MTSS1: variants seen among roughly 807,000 people sequenced by gnomAD.
MTSS1 encodes the protein protein MTSS 1.
MTSS1 carries 18 observed loss-of-function variants against 79.0 expected under a neutral mutation model. The ratio of observed to expected loss-of-function variants is 0.23; its 90% CI spans 0.16 to 0.34. The LOEUF (loss-of-function observed/expected upper bound fraction) is 0.34. MTSS1 is among the 10% of genes least tolerant of loss of function. The probability of loss-of-function intolerance (pLI) is 1.00; values close to 1 mark genes in which losing one functional copy is unlikely to be tolerated. For synonymous variants in MTSS1, 341 were observed against 368.6 expected (o/e 0.93, Z 0.86); for missense variants, 815 against 986.2 (o/e 0.83, Z 2.33).
Position 124,698,572 on chromosome 8 carries a change from C to T in MTSS1, c.208+954G>A, listed in dbSNP as rs532569560. Among the ~76,000 whole-genome samples, 11 of 144,148 alleles carry T rather than the reference C, an allele frequency of 7.6e-5. No homozygotes were observed. The South Asian group carries it at 2.4e-3, about 31-fold the overall frequency. 94.6% of individuals were successfully genotyped at this position (144,148 alleles called of 152,430 possible). On this transcript the variant is annotated intron_variant, in intron 3 of 13. Transcript: ENST00000518547. The stretch of plus-strand genomic sequence containing the variant: ...CGTTGCCCAGGCTGGAGTGCAGTGG[C>T]GCGATCTGGGCTCACTGCAACCTCT...
chr8:124,604,074 G>A (rs543058050), intron 3 of MTSS1, among the ~76,000 whole-genome samples: 1 of 152,228 alleles, frequency 6.6e-6, no homozygotes, highest in South Asian at 2.1e-4. Flanking sequence ...TTAGCTGGGC[G>A]TGGAGGCAGG....
At chr8:124,632,829 A>G (rs1816256591) in intron 3 of MTSS1, among the ~76,000 whole-genome samples, 1 of 152,144 alleles carries the variant, frequency 6.6e-6, no homozygotes, top group African/African-American at 2.4e-5. Context: ...TACCGCATCC[A>G]GCTAATTTTT....
chr8:124,556,190 G>T lies in MTSS1; in HGVS notation c.1404+42C>A, dbSNP rs117595835. The stretch of plus-strand genomic sequence containing the variant: ...TGGCCAGAATGTGATCCCCAGCCAG[G>T]CTGAGGTGGCCCCAACCAGCTACTG... On this transcript the variant is annotated intron_variant, in intron 12 of 13. Coordinates refer to ENST00000518547, the MANE Select transcript of MTSS1 (RefSeq NM_014751.6). The T allele has an allele frequency of 1.3e-5, 21 of 1,613,580 alleles. No homozygotes were observed. The East Asian group carries it at 4.7e-4, about 36-fold the overall frequency.
At chr8:124,663,926 G>A (rs1413480481) in intron 3 of MTSS1, among the ~76,000 whole-genome samples, 3 of 152,200 alleles carry the variant, frequency 2.0e-5, no homozygotes, top group Non-Finnish European at 4.4e-5. Context: ...GGCTCCTCAG[G>A]AGATGACACC....
At chr8:124,566,726 G>A (rs1826576317) in intron 8 of MTSS1, among the ~76,000 whole-genome samples, 1 of 152,200 alleles carries the variant, frequency 6.6e-6, no homozygotes, top group Non-Finnish European at 1.5e-5. Flanking sequence ...CATGGGATCT[G>A]GAACCTGACC....
intron 1 of MTSS1, among the ~76,000 whole-genome samples, chr8:124,709,975 T>C (rs1056523396): frequency 6.6e-6 from 1 of 152,266 alleles, no homozygotes; most frequent in Non-Finnish European, 1.5e-5. Context: ...TTGCTGTCTA[T>C]AAGCCTGAGG....
Position 124,591,140 on chromosome 8 carries a change from ATGCTCCTCACCTCGAAAACTGCCTCAG to A in MTSS1, c.277_293+10del, listed in dbSNP as rs777464958. The A allele has an allele frequency of 6.2e-7, 1 of 1,613,688 alleles. No homozygotes were observed. Among genetic ancestry groups the A allele is most frequent in the South Asian group, 1.1e-5 (1 of 91,070 alleles). ...GGGTGTTGGCGATCGGGGCCAAAAC[ATGCTCCTCACCTCGAAAACTGCCTCAG>A]CTTGGCTTCAATGCTTCTGTGCCTC... On this transcript the variant is annotated splice_donor_variant and splice_donor_5th_base_variant and coding_sequence_variant and intron_variant, in exon 4 of 14. Coordinates refer to ENST00000518547, the MANE Select transcript of MTSS1 (RefSeq NM_014751.6). LOFTEE classifies it high-confidence loss of function.
rs939110357 is a variant in MTSS1 at position 124,727,052 on chromosome 8, A to T, written c.72+832T>A. On this transcript the variant is annotated intron_variant, in intron 1 of 13. Coordinates refer to ENST00000518547, the MANE Select transcript of MTSS1 (RefSeq NM_014751.6). The surrounding 1 kb of genome is among the most constrained non-coding windows in gnomAD (Gnocchi z 4.7). ...GGTTATCCCCAGTCCCACCCTTTGC[A>T]GGAAAAAACCAGGGTGTTGTTCCCC... 6.6e-6 allele frequency among the ~76,000 whole-genome samples: 1 copy of T among 152,252 alleles called. No homozygotes were observed. The highest frequency in any genetic ancestry group is 1.9e-4 in the East Asian group (1 of 5,164).
At chr8:124,602,094 T>C (rs1348952515) in intron 3 of MTSS1, among the ~76,000 whole-genome samples, 3 of 148,722 alleles carry the variant, frequency 2.0e-5, no homozygotes, top group Non-Finnish European at 4.4e-5. Context: ...TGGGCCACAG[T>C]GGAAGAGGAA....
chr8:124,568,900 A>C (rs1827149177), intron 6 of MTSS1: 1 of 1,381,168 alleles, frequency 7.2e-7, no homozygotes, highest in Non-Finnish European at 9.4e-7. Flanking sequence ...AGAGGCTAAG[A>C]GATGTGGAAA....
At chr8:124,699,409 A>G in intron 3 of MTSS1, 117 bp downstream of exon 3, 1 of 862,562 alleles carries the variant, frequency 1.2e-6, no homozygotes, top group Non-Finnish European at 1.8e-6. Flanking sequence ...AAAATGGGAA[A>G]ATACGAGTCA....
intron 1 of MTSS1, among the ~76,000 whole-genome samples, chr8:124,714,253 T>C (rs1457976110): frequency 6.6e-6 from 1 of 152,066 alleles, no homozygotes; most frequent in African/African-American, 2.4e-5. Flanking sequence ...TATTCGAGAG[T>C]ACAGAGGTCT....
At chr8:124,642,119 A>G (rs1186152160) in intron 3 of MTSS1, among the ~76,000 whole-genome samples, 1 of 152,254 alleles carries the variant, frequency 6.6e-6, no homozygotes, top group Non-Finnish European at 1.5e-5. Flanking sequence ...AGTACTTAGC[A>G]TTTCATAACA....
chr8:124,617,201 T>C (rs956556916), intron 3 of MTSS1, among the ~76,000 whole-genome samples: 2 of 152,190 alleles, frequency 1.3e-5, no homozygotes, highest in Non-Finnish European at 2.9e-5. Flanking sequence ...GAAAAATGAT[T>C]TTCAGGCAGG....
Position 124,704,115 on chromosome 8 carries a change from T to A in MTSS1, c.134+15A>T. 6.2e-7 allele frequency: 1 copy of A among 1,611,836 alleles called. No individual in the cohort carries two copies. The highest frequency in any genetic ancestry group is 2.2e-5 in the East Asian group (1 of 44,878). ...GATGTTGTCCTTTTCCTGTAGAACA[T>A]GTGCTTCTACTTACCGAAGCTGGGA... On this transcript the variant is annotated intron_variant, in intron 2 of 13. Coordinates refer to ENST00000518547, the MANE Select transcript of MTSS1 (RefSeq NM_014751.6).
At chr8:124,650,467 C>A (rs1819754100) in intron 3 of MTSS1, among the ~76,000 whole-genome samples, 1 of 152,178 alleles carries the variant, frequency 6.6e-6, no homozygotes. Context: ...TGGCGCAGGG[C>A]AGGGACCTGA....
intron 3 of MTSS1, among the ~76,000 whole-genome samples, chr8:124,676,469 G>C (rs1235513726): frequency 6.6e-6 from 1 of 152,190 alleles, no homozygotes; most frequent in Non-Finnish European, 1.5e-5. Flanking sequence ...AAGACTCTGA[G>C]CTCAAAACCT....
chr8:124,674,565 A>T (rs1453720502), intron 3 of MTSS1, among the ~76,000 whole-genome samples: 3 of 152,082 alleles, frequency 2.0e-5, no homozygotes, highest in Non-Finnish European at 4.4e-5. Flanking sequence ...GGCTGGTCTC[A>T]AACTCCTGGC....
At chr8:124,723,409 G>C (rs1023970613) in intron 1 of MTSS1, among the ~76,000 whole-genome samples, 2 of 152,120 alleles carry the variant, frequency 1.3e-5, no homozygotes, top group Admixed American at 1.3e-4. Flanking sequence ...TCTTGATTTG[G>C]AGCATTACAA....
Sources: allele counts gnomAD v4.1 joint callset (sites outside exome capture counted in the v4.1 genomes callset), GRCh38; gene constraint gnomAD v4.1.1; non-coding constraint Gnocchi (gnomAD v3.1); transcripts MANE v1.5; gene names NCBI Gene and HGNC (gene_info 2026-07-23, HGNC 2026-07-21).